Variants in DAGLB observed in about 807,000 individuals in gnomAD.
DAGLB encodes the protein diacylglycerol lipase beta, also known as diacylglycerol lipase-beta.
A neutral mutation model predicts 72.1 loss-of-function variants in DAGLB; 66 were observed. The observed-to-expected ratio is 0.92, with a 90% CI of 0.75 to 1.12. The LOEUF is 1.12. DAGLB is among the 50% of genes most tolerant of loss of function. DAGLB has a pLI of 0.00. For synonymous variants in DAGLB, 414 were observed against 359.5 expected (o/e 1.15, Z -1.71); for missense variants, 1,065 against 884.9 (o/e 1.20, Z -2.58).
rs541522387 is a variant in DAGLB, at chr7:6,436,294, T to C, written c.419+68A>G. 3.6e-4 allele frequency: 553 copies of C among 1,539,364 alleles called. 2 individuals are homozygous for C. The Middle Eastern group carries it at 0.014, about 38-fold the overall frequency. On this transcript the variant is annotated intron_variant, in intron 3 of 14. Coordinates refer to ENST00000297056, the MANE Select transcript of DAGLB (RefSeq NM_139179.4). ...CCGAGGGACGCTGGACTCTCTGTCA[T>C]GTTAGAAGGGTTTGTTCACCTATGC...
chr7:6,425,399 C>A (rs968643072), intron 7 of DAGLB, among the ~76,000 whole-genome samples: 6 of 152,154 alleles, frequency 3.9e-5, no homozygotes, highest in Admixed American at 6.6e-5. Context: ...AGCCTCCCGA[C>A]CAGCAGAGAC....
At position 6,416,932 on chromosome 7, in the gene DAGLB, AGACAAAGAAGGT is replaced by A. The variant is rs1401341186; in HGVS notation, c.1219-23_1219-12del. On this transcript the variant is annotated splice_polypyrimidine_tract_variant and intron_variant, in intron 9 of 14. Coordinates refer to ENST00000297056, the MANE Select transcript of DAGLB (RefSeq NM_139179.4). ...AGCTTGAGAAATACCCTAAAAACAC[AGACAAAGAAGGT>A]GGCCGTTAATCCTCAGACAAGGCAG... The A allele has an allele frequency of 6.2e-7, 1 of 1,613,980 alleles. No individual in the cohort carries two copies.
intron 2 of DAGLB, among the ~76,000 whole-genome samples, chr7:6,438,607 A>C (rs1335243860): frequency 6.6e-6 from 1 of 152,154 alleles, no homozygotes; most frequent in Admixed American, 6.6e-5. Flanking sequence ...TGGGATTCTA[A>C]AAACAGACAC....
chr7:6,418,242 G>A (rs1783981916), intron 9 of DAGLB, among the ~76,000 whole-genome samples: 1 of 151,794 alleles, frequency 6.6e-6, no homozygotes, highest in Non-Finnish European at 1.5e-5. Context: ...GGTGGCTCAT[G>A]CCTGTAATTC....
chr7:6,446,651 C>T (rs932201095), intron 1 of DAGLB, among the ~76,000 whole-genome samples: 1 of 152,098 alleles, frequency 6.6e-6, no homozygotes, highest in South Asian at 2.1e-4. Context: ...CTGCCTTGGC[C>T]TCCCAAAGTG....
chr7:6,412,081 A>G (rs1783747929), intron 13 of DAGLB, among the ~76,000 whole-genome samples: 1 of 151,900 alleles, frequency 6.6e-6, no homozygotes, highest in Non-Finnish European at 1.5e-5. Flanking sequence ...CCCCTGGCTC[A>G]TTTTTGTATT....
intron 8 of DAGLB, 82 bp downstream of exon 8, chr7:6,424,670 G>C: frequency 7.4e-7 from 1 of 1,353,002 alleles, no homozygotes. Context: ...TGCGGTTACT[G>C]ACGGATTTCC....
chr7:6,438,557 C>G (rs1261125612), intron 2 of DAGLB, among the ~76,000 whole-genome samples: 2 of 151,526 alleles, frequency 1.3e-5, no homozygotes, highest in African/African-American at 4.8e-5. Flanking sequence ...CCCAGAGAAA[C>G]AGGAAACAGT....
rs991015414 is a variant in DAGLB at position 6,424,742 on chromosome 7, C to T, written c.1140+10G>A. The T allele has an allele frequency of 1.2e-6, 2 of 1,613,224 alleles. No individual in the cohort carries two copies. The highest frequency in any genetic ancestry group is 8.5e-7 in the Non-Finnish European group (1 of 1,179,636). ...ACTCCCAGGGCTGGAAAGTCAGGTT[C>T]CAACGTTACCTGCAGAGACATGGTC... On this transcript the variant is annotated intron_variant, in intron 8 of 14. Coordinates refer to ENST00000297056, the MANE Select transcript of DAGLB (RefSeq NM_139179.4).
At chr7:6,438,315 T>G (rs1243338685) in intron 2 of DAGLB, among the ~76,000 whole-genome samples, 1 of 152,104 alleles carries the variant, frequency 6.6e-6, no homozygotes, top group South Asian at 2.1e-4. Flanking sequence ...CAAACCTGCA[T>G]GTTGTGCACA....
At chr7:6,428,442 G>A (rs836528) in intron 6 of DAGLB, among the ~76,000 whole-genome samples, 1 of 151,372 alleles carries the variant, frequency 6.6e-6, no homozygotes, top group Admixed American at 6.6e-5. Context: ...AATTCAGAGA[G>A]GGATAGGACA....
chr7:6,417,073 T>A, intron 9 of DAGLB, 152 bp from the exon 10 acceptor site: 1 of 845,828 alleles, frequency 1.2e-6, no homozygotes, highest in Non-Finnish European at 1.9e-6. Flanking sequence ...CGTGCATGGC[T>A]GTGCTCCTGG....
At chr7:6,438,263 A>G (rs1387419884) in intron 2 of DAGLB, among the ~76,000 whole-genome samples, 1 of 152,138 alleles carries the variant, frequency 6.6e-6, no homozygotes, top group African/African-American at 2.4e-5. Context: ...ATGACGAGTA[A>G]CGGGTGCAGC....
In DAGLB at chr7:6,447,765, C is replaced by G; in HGVS notation, c.78G>C (p.Leu26=). 1 of 1,613,682 alleles carries G rather than the reference C, an allele frequency of 6.2e-7. No homozygotes were observed. Among genetic ancestry groups the G allele is most frequent in the Non-Finnish European group, 8.5e-7 (1 of 1,179,830 alleles). ...DDLVFPGFFE[L]VVRVLWWIGI... ...GTCCTTACCACAGCACTCGCACGAC[C>G]AGCTCGAAGAACCCTGGGAAGACCA... The change falls in exon 1 of 15, where the codon CTG becomes CTC. Residue 26 remains leucine, a synonymous_variant. Transcript: ENST00000297056.
intron 6 of DAGLB, among the ~76,000 whole-genome samples, chr7:6,427,274 C>G (rs1424352028): frequency 6.6e-6 from 1 of 152,156 alleles, no homozygotes; most frequent in East Asian, 1.9e-4. Context: ...GTAACTCACG[C>G]TGATGTTGCT....
At chr7:6,428,315 CAAAAAAAAAAA>C (rs749361631) in intron 6 of DAGLB, among the ~76,000 whole-genome samples, 1 of 77,014 alleles carries the variant, frequency 1.3e-5, no homozygotes, top group South Asian at 4.6e-4. Flanking sequence ...GACTCTGTCT[CAAAAAAAAAAA>C]AAAAAAAAAG....
rs576064484 is a variant in DAGLB, at chr7:6,443,662, T to C, written c.247+2291A>G. Among the ~76,000 whole-genome samples, 8 of 152,138 alleles carry C rather than the reference T, an allele frequency of 5.3e-5. No homozygotes were observed. In the South Asian group the frequency reaches 1.7e-3, roughly 31 times the overall value. On this transcript the variant is annotated intron_variant, in intron 2 of 14. Coordinates refer to ENST00000297056, the MANE Select transcript of DAGLB (RefSeq NM_139179.4). The stretch of plus-strand genomic sequence containing the variant: ...CCTTTATTCCAAACTGTCAAGATCT[T>C]GATGCCGTCACTCACTGTATCACCA...
chr7:6,430,404 A>G (rs1305379367), intron 6 of DAGLB, 76 bp downstream of exon 6: 3 of 1,399,192 alleles, frequency 2.1e-6, no homozygotes, highest in Non-Finnish European at 2.8e-6. Context: ...GTTCTTTCAA[A>G]TTTTTGAAAT....
chr7:6,420,379 G>A lies in DAGLB; in HGVS notation c.1218+1348C>T, dbSNP rs1270845753. Among the ~76,000 whole-genome samples the A allele has an allele frequency of 2.6e-5, 4 of 151,660 alleles. No homozygotes were observed. The South Asian group carries it at 8.3e-4, about 32-fold the overall frequency. The stretch of plus-strand genomic sequence containing the variant: ...TGCTTGAACCTGGGAGGCAGAGGTT[G>A]CAGTGAGCTGAGATGGCACCACTGC... On this transcript the variant is annotated intron_variant, in intron 9 of 14. Coordinates refer to ENST00000297056, the MANE Select transcript of DAGLB (RefSeq NM_139179.4).
Sources: allele counts gnomAD v4.1 joint callset (sites outside exome capture counted in the v4.1 genomes callset), GRCh38; gene constraint gnomAD v4.1.1; transcripts MANE v1.5; gene names NCBI Gene and HGNC (gene_info 2026-07-23, HGNC 2026-07-21).